The following CLSTN2 variants were observed in gnomAD, a reference collection of about 807,000 sequenced individuals.
CLSTN2 encodes calsyntenin 2.
CLSTN2 carries 48 observed loss-of-function variants against 101.2 expected under a neutral mutation model. That is an observed-to-expected ratio of 0.47 (90% CI 0.38 to 0.60). The LOEUF (loss-of-function observed/expected upper bound fraction) is 0.60, where lower values mean the gene tolerates loss of function less well. Ranked by LOEUF, CLSTN2 falls within the 20% of genes least tolerant of loss-of-function variation. The pLI, the probability that CLSTN2 is intolerant of heterozygous loss-of-function variation, is 0.00. For synonymous variants in CLSTN2, 481 were observed against 463.6 expected (o/e 1.04, Z -0.48); for missense variants, 1,160 against 1,238.2 (o/e 0.94, Z 0.95).
chr3:140,323,066 A>G (rs934023669), intron 2 of CLSTN2, among the ~76,000 whole-genome samples: 1 of 152,248 alleles, frequency 6.6e-6, no homozygotes, highest in African/African-American at 2.4e-5. Flanking sequence ...CACAGGGTAG[A>G]TGCTGCGCTT....
chr3:140,156,156 T>A (rs981578547), intron 1 of CLSTN2, among the ~76,000 whole-genome samples: 1 of 152,216 alleles, frequency 6.6e-6, no homozygotes, highest in Non-Finnish European at 1.5e-5. Flanking sequence ...AGGTGCTATC[T>A]CTTATTAAAA....
At chr3:140,506,554 T>G (rs1333925739) in intron 8 of CLSTN2, 1 of 152,176 alleles carries the variant, frequency 6.6e-6, no homozygotes, top group Non-Finnish European at 1.5e-5. Flanking sequence ...AGTAAGAGCC[T>G]GGGAGGACAG....
chr3:140,486,906 T>G (rs1934252015), intron 8 of CLSTN2, among the ~76,000 whole-genome samples: 1 of 152,202 alleles, frequency 6.6e-6, no homozygotes. Context: ...TTCTGAGTTT[T>G]GGACCTGGGA....
At chr3:140,115,630 G>A (rs2009229072) in intron 1 of CLSTN2, among the ~76,000 whole-genome samples, 1 of 152,198 alleles carries the variant, frequency 6.6e-6, no homozygotes, top group Non-Finnish European at 1.5e-5. Context: ...TCAGCAGGCA[G>A]GGCAGCCTGA....
At chr3:140,452,487 T>C (rs767777627) in intron 6 of CLSTN2, 1 of 152,302 alleles carries the variant, frequency 6.6e-6, no homozygotes, top group East Asian at 1.9e-4. Context: ...TCCTCTGTGA[T>C]GCTGTAGTCG....
At chr3:140,001,697 T>C (rs1018502672) in intron 1 of CLSTN2, among the ~76,000 whole-genome samples, 2 of 152,122 alleles carry the variant, frequency 1.3e-5, no homozygotes, top group Admixed American at 6.6e-5. Context: ...TATCAAATAC[T>C]AAGTCTCATT....
intron 1 of CLSTN2, among the ~76,000 whole-genome samples, chr3:139,981,788 C>T (rs1177575683): frequency 6.6e-6 from 1 of 152,172 alleles, no homozygotes; most frequent in East Asian, 1.9e-4. Context: ...TTTGGGCCAC[C>T]CCAATGCCCT....
chr3:140,079,677 G>A (rs2008553062), intron 1 of CLSTN2, among the ~76,000 whole-genome samples: 1 of 151,354 alleles, frequency 6.6e-6, no homozygotes, highest in South Asian at 2.1e-4. Flanking sequence ...CTTGAACCCG[G>A]GAGGCAGAGG....
At chr3:140,420,156 A>T (rs1359217419) in intron 4 of CLSTN2, among the ~76,000 whole-genome samples, 1 of 151,870 alleles carries the variant, frequency 6.6e-6, no homozygotes, top group African/African-American at 2.4e-5. Context: ...AGCCTTCCAA[A>T]GTGCTGGGAT....
Position 140,486,079 on chromosome 3 carries a change from T to A in CLSTN2, c.1344+19348T>A, listed in dbSNP as rs1286387186. Among the ~76,000 whole-genome samples the A allele has an allele frequency of 1.3e-5, 2 of 151,170 alleles. 1 individual carries two copies. The stretch of plus-strand genomic sequence containing the variant: ...GAATGGAGCTGTTCCTATTTGGCCG[T>A]CTTGGCTCCACCCCACAAAGATAAA... On this transcript the variant is annotated intron_variant, in intron 8 of 16. Transcript: ENST00000458420.
At chr3:140,250,569 G>A (rs1394482536) in intron 2 of CLSTN2, among the ~76,000 whole-genome samples, 1 of 152,144 alleles carries the variant, frequency 6.6e-6, no homozygotes, top group Non-Finnish European at 1.5e-5. Context: ...CTCTTCCTTT[G>A]GGGCTTCCCT....
At chr3:140,332,621 T>A (rs1192050733) in intron 2 of CLSTN2, among the ~76,000 whole-genome samples, 1 of 151,764 alleles carries the variant, frequency 6.6e-6, no homozygotes, top group Non-Finnish European at 1.5e-5. Flanking sequence ...GCTGAGCAAA[T>A]GAGGAAGTTC....
chr3:140,482,683 G>A (rs1182109787), intron 8 of CLSTN2, among the ~76,000 whole-genome samples: 3 of 152,186 alleles, frequency 2.0e-5, no homozygotes, highest in Non-Finnish European at 4.4e-5. Context: ...GGGTGCATAT[G>A]TCAAGGAATT....
At chr3:140,517,371 C>T (rs1845469) in intron 8 of CLSTN2, among the ~76,000 whole-genome samples, 1 of 152,070 alleles carries the variant, frequency 6.6e-6, no homozygotes, top group Non-Finnish European at 1.5e-5. Flanking sequence ...TGGTGTGATA[C>T]TTTGGGGGTG....
At chr3:140,322,794 A>C (rs1441085638) in intron 2 of CLSTN2, among the ~76,000 whole-genome samples, 3 of 152,236 alleles carry the variant, frequency 2.0e-5, no homozygotes, top group Admixed American at 2.0e-4. Context: ...TGAGATAATC[A>C]GTGAATCAAA....
At chr3:140,532,570 G>A in intron 9 of CLSTN2, 84 bp downstream of exon 9, 5 of 1,260,424 alleles carry the variant, frequency 4.0e-6, no homozygotes, top group East Asian at 4.9e-5. Flanking sequence ...AAAAGCAAGT[G>A]GTGTGAGAAT....
chr3:140,120,694 A>G (rs1463215456), intron 1 of CLSTN2, among the ~76,000 whole-genome samples: 1 of 152,204 alleles, frequency 6.6e-6, no homozygotes, highest in Middle Eastern at 3.2e-3. Flanking sequence ...AGGAGTTATG[A>G]GCCAGGAACC....
intron 8 of CLSTN2, among the ~76,000 whole-genome samples, chr3:140,517,855 G>A (rs920563508): frequency 2.0e-5 from 3 of 152,152 alleles, no homozygotes; most frequent in African/African-American, 7.2e-5. Flanking sequence ...ATATAGGGAG[G>A]ATCAGGTGGT....
At chr3:140,018,055 T>C (rs192199839) in intron 1 of CLSTN2, among the ~76,000 whole-genome samples, 1 of 152,338 alleles carries the variant, frequency 6.6e-6, no homozygotes, top group African/African-American at 2.4e-5. Context: ...GCTTTGTTCT[T>C]TTGAGTCTGA....
Sources: allele counts gnomAD v4.1 joint callset (sites outside exome capture counted in the v4.1 genomes callset), GRCh38; gene constraint gnomAD v4.1.1; transcripts MANE v1.5; gene names NCBI Gene and HGNC (gene_info 2026-07-23, HGNC 2026-07-21).